Variants in PPARGC1B observed in about 807,000 individuals in gnomAD.
The protein encoded by PPARGC1B is PPARG coactivator 1 beta, also known as peroxisome proliferator-activated receptor gamma coactivator 1-beta.
PPARGC1B carries 34 observed loss-of-function variants against 101.6 expected under a neutral mutation model. The observed-to-expected ratio is 0.33, with a 90% CI of 0.25 to 0.45. The LOEUF is 0.45. Among genes scored for constraint, PPARGC1B ranks in the 20% least tolerant of loss-of-function variants. The pLI, the probability that PPARGC1B is intolerant of heterozygous loss-of-function variation, is 1.00. For missense variants in PPARGC1B, 1,234 were observed against 1,317.6 expected, an observed-to-expected ratio of 0.94 and a Z score of 0.98; for synonymous variants, 548 against 539.3, an observed-to-expected ratio of 1.02 and a Z score of -0.22.
Position 149,846,058 on chromosome 5 carries a change from C to T in PPARGC1B, c.2971+144C>T, listed in dbSNP as rs1759543512. ...CAGTGTGCTGCTTGGTATAACTTTG[C>T]AGCCACTTTGCCTGAAGACTACCAT... is the stretch of plus-strand genomic sequence containing the variant. On this transcript the variant is annotated intron_variant, in intron 11 of 11. Coordinates refer to ENST00000309241, the MANE Select transcript of PPARGC1B (RefSeq NM_133263.4). The T allele has an allele frequency of 6.3e-6, 6 of 955,768 alleles. No individual in the cohort carries two copies. In the Admixed American group the frequency reaches 6.5e-5, roughly 10 times the overall value. 59.2% of individuals were successfully genotyped at this position (955,768 alleles called of 1,614,324 possible). A position where few individuals can be genotyped will look rare whatever the true frequency, so the allele number is the denominator to read the frequency against.
downstream of PPARGC1B, among the ~76,000 whole-genome samples, chr5:149,855,683 CTG>C (rs1314476627): frequency 6.6e-6 from 1 of 152,178 alleles, no homozygotes; most frequent in Non-Finnish European, 1.5e-5. Flanking sequence ...AGTTGCGTGC[CTG>C]TGTGTTATTT....
chr5:149,762,700 A>G (rs765299495), intron 1 of PPARGC1B, among the ~76,000 whole-genome samples: 5 of 152,108 alleles, frequency 3.3e-5, no homozygotes, highest in African/African-American at 7.2e-5. Context: ...GAGGCAGCCT[A>G]TTTCATTTGG....
chr5:149,836,891 AGGG>A lies in PPARGC1B; in HGVS notation c.2438_2440del (p.Gly813del), dbSNP rs749700080. 1.9e-6 allele frequency: 3 copies of A among 1,613,118 alleles called. No homozygotes were observed. Among genetic ancestry groups the A allele is most frequent in the African/African-American group, 2.7e-5 (2 of 74,914 alleles). ...TCCTCCCAGAGGAGGAAGAGGAAGA[AGGG>A]GAGGAGGAGGAGGAGGACGATGAAG... On this transcript the variant is annotated inframe_deletion, in exon 8 of 12. Coordinates refer to ENST00000309241, the MANE Select transcript of PPARGC1B (RefSeq NM_133263.4).
At chr5:149,794,082 C>T (rs899949806) in intron 1 of PPARGC1B, among the ~76,000 whole-genome samples, 3 of 152,108 alleles carry the variant, frequency 2.0e-5, no homozygotes, top group Non-Finnish European at 4.4e-5. Flanking sequence ...TCTTATGGCT[C>T]GAAAGTCTAA....
At chr5:149,800,977 A>C (rs1019596891) in intron 1 of PPARGC1B, among the ~76,000 whole-genome samples, 1 of 152,180 alleles carries the variant, frequency 6.6e-6, no homozygotes, top group Non-Finnish European at 1.5e-5. Flanking sequence ...AAACGTTTGG[A>C]TCTCTGGTGC....
At chr5:149,800,721 G>A (rs1410352873) in intron 1 of PPARGC1B, among the ~76,000 whole-genome samples, 1 of 152,244 alleles carries the variant, frequency 6.6e-6, no homozygotes, top group Non-Finnish European at 1.5e-5. Flanking sequence ...GGGGCCAGGT[G>A]CATGTTGGGT....
In PPARGC1B at chr5:149,741,826, C is replaced by T. The variant is rs999158371; in HGVS notation, c.78+11406C>T. Among the ~76,000 whole-genome samples, 4 of 152,102 alleles carry T rather than the reference C, an allele frequency of 2.6e-5. No individual in the cohort carries two copies. The East Asian group carries it at 7.8e-4, about 29-fold the overall frequency. ...TGTATTTTTAGTAGAGATGGGGTTT[C>T]ACCATGTTGGCTAGGCTGGTCTTGA... On this transcript the variant is annotated intron_variant, in intron 1 of 11. Transcript: ENST00000309241.
At position 149,837,162 on chromosome 5, in the gene PPARGC1B, G is replaced by A; in HGVS notation, c.2618+89G>A. 6.6e-7 allele frequency: 1 copy of A among 1,508,876 alleles called. No individual in the cohort carries two copies. The highest frequency in any genetic ancestry group is 8.8e-7 in the Non-Finnish European group (1 of 1,130,834). 93.5% of individuals were successfully genotyped at this position (1,508,876 alleles called of 1,614,324 possible). A position where few individuals can be genotyped will look rare whatever the true frequency, so the allele number is the denominator to read the frequency against. ...GGAGCCCCAGGAGGGAGGATCCCTGGGAAGCTTGCTCTGAAACTGAGGCTG... is the reference window on the plus strand; with the variant it reads ...GGAGCCCCAGGAGGGAGGATCCCTGAGAAGCTTGCTCTGAAACTGAGGCTG... On this transcript the variant is annotated intron_variant, in intron 8 of 11. Transcript: ENST00000309241. The surrounding 1 kb of genome is among the most constrained non-coding windows in gnomAD (Gnocchi z 4.2).
intron 1 of PPARGC1B, chr5:149,772,194 G>C: frequency 1.2e-6 from 2 of 1,604,238 alleles, no homozygotes; most frequent in South Asian, 2.3e-5. Flanking sequence ...GGCTTTTTCT[G>C]TGAGCTTGTT....
At chr5:149,757,064 G>T (rs1267039521) in intron 1 of PPARGC1B, among the ~76,000 whole-genome samples, 4 of 152,202 alleles carry the variant, frequency 2.6e-5, no homozygotes, top group Non-Finnish European at 4.4e-5. Flanking sequence ...GAGGATTTCA[G>T]CTAGTGATAA....
chr5:149,835,174 G>T (rs1249887188), intron 6 of PPARGC1B, 127 bp from the exon 7 acceptor site: 7 of 834,062 alleles, frequency 8.4e-6, no homozygotes, highest in African/African-American at 1.7e-5. Flanking sequence ...TGCATCTCAG[G>T]CTCCATTTCC....
chr5:149,819,061 C>A (rs753529032), intron 1 of PPARGC1B, among the ~76,000 whole-genome samples: 2 of 152,190 alleles, frequency 1.3e-5, no homozygotes, highest in Non-Finnish European at 2.9e-5. Context: ...ACTGGGGAGA[C>A]CAGGGTGAGA....
intron 5 of PPARGC1B, among the ~76,000 whole-genome samples, chr5:149,834,036 G>C (rs1228558407): frequency 1.3e-5 from 2 of 152,230 alleles, no homozygotes; most frequent in Non-Finnish European, 2.9e-5. Flanking sequence ...TAAGCAGGCA[G>C]TCAAAAAGTA....
chr5:149,732,410 T>C (rs1001704444), intron 1 of PPARGC1B, among the ~76,000 whole-genome samples: 1 of 152,230 alleles, frequency 6.6e-6, no homozygotes, highest in African/African-American at 2.4e-5. Flanking sequence ...CGCTTTGGAC[T>C]GTACCCCGGA....
At chr5:149,794,342 A>G (rs1340523374) in intron 1 of PPARGC1B, among the ~76,000 whole-genome samples, 3 of 152,202 alleles carry the variant, frequency 2.0e-5, no homozygotes, top group Non-Finnish European at 4.4e-5. Flanking sequence ...CAAATGTTAG[A>G]CAGTGTCTAA....
chr5:149,780,583 G>A (rs1413718952), intron 1 of PPARGC1B, among the ~76,000 whole-genome samples: 1 of 152,140 alleles, frequency 6.6e-6, no homozygotes, highest in Non-Finnish European at 1.5e-5. Flanking sequence ...GCAGTGGAGG[G>A]GTAGTTGTGT....
chr5:149,831,543 T>C (rs1020865291), intron 4 of PPARGC1B, among the ~76,000 whole-genome samples: 1 of 152,188 alleles, frequency 6.6e-6, no homozygotes, highest in African/African-American at 2.4e-5. Flanking sequence ...CTCTGGGGAA[T>C]GAGTCCCTAT....
rs532092733 is a variant in PPARGC1B, at chr5:149,805,816, T to A, written c.79-14617T>A. Among the ~76,000 whole-genome samples, 3 of 152,384 alleles carry A rather than the reference T, an allele frequency of 2.0e-5. No individual in the cohort carries two copies. In the East Asian group the frequency reaches 5.8e-4, roughly 29 times the overall value. On this transcript the variant is annotated intron_variant, in intron 1 of 11. Coordinates refer to ENST00000309241, the MANE Select transcript of PPARGC1B (RefSeq NM_133263.4). ...ATGATGGGTTGCCACTATATGACTT[T>A]TGGTTAATAAACATGGGAAACCTAA...
intron 1 of PPARGC1B, among the ~76,000 whole-genome samples, chr5:149,773,973 C>G (rs1036153861): frequency 1.6e-4 from 25 of 152,216 alleles, no homozygotes; most frequent in African/African-American, 5.1e-4. Context: ...TGCATGGCAG[C>G]CTGTACCTGC....
Sources: allele counts gnomAD v4.1 joint callset (sites outside exome capture counted in the v4.1 genomes callset), GRCh38; gene constraint gnomAD v4.1.1; non-coding constraint Gnocchi (gnomAD v3.1); transcripts MANE v1.5; gene names NCBI Gene and HGNC (gene_info 2026-07-23, HGNC 2026-07-21).